PXYLP1: variants seen among roughly 807,000 people sequenced by gnomAD.
PXYLP1 encodes acid phosphatase-like 2.
Under a neutral mutation model 37.9 loss-of-function variants are expected in PXYLP1, and 17 were observed. The observed-to-expected ratio is 0.45, with a 90% CI of 0.31 to 0.67. The LOEUF is 0.67. PXYLP1 is among the 30% of genes least tolerant of loss of function. The probability of loss-of-function intolerance (pLI) is 0.07; values close to 1 mark genes in which losing one functional copy is unlikely to be tolerated. For synonymous variants in PXYLP1, 221 were observed against 232.2 expected (o/e 0.95, Z 0.44); for missense variants, 511 against 612.0 (o/e 0.84, Z 1.74).
At position 141,279,379 on chromosome 3, in the gene PXYLP1, T is replaced by G. The variant is rs1205581143; in HGVS notation, c.240T>G (p.Gly80=). The change falls in exon 4 of 6, where the codon GGT becomes GGG. Residue 80 remains glycine, a splice_region_variant and synonymous_variant. Coordinates refer to ENST00000286353, the MANE Select transcript of PXYLP1 (RefSeq NM_001037172.3). The stretch of plus-strand genomic sequence containing the variant: ...AGACAATGTGCTTCTCTCGCGCAGG[T>G]CATGCCCCGCATCATTTTAAGCTGG... ...IPSVAERSME[G]HAPHHFKLVS... 1.2e-6 allele frequency: 2 copies of G among 1,614,198 alleles called. No homozygotes were observed. The highest frequency in any genetic ancestry group is 2.7e-5 in the African/African-American group (2 of 75,060).
At chr3:141,242,749 A>G (rs1236489883) in intron 1 of PXYLP1, among the ~76,000 whole-genome samples, 3 of 152,192 alleles carry the variant, frequency 2.0e-5, no homozygotes, top group Non-Finnish European at 4.4e-5. Flanking sequence ...AATGCAAATA[A>G]TAATGAGAAC....
chr3:141,272,177 C>T (rs1338875814), intron 2 of PXYLP1, among the ~76,000 whole-genome samples: 1 of 152,168 alleles, frequency 6.6e-6, no homozygotes, highest in Non-Finnish European at 1.5e-5. Flanking sequence ...CTGGTGTGTC[C>T]TTGTGCAAGT....
chr3:141,277,678 T>C (rs1941830972), intron 2 of PXYLP1, among the ~76,000 whole-genome samples: 1 of 152,164 alleles, frequency 6.6e-6, no homozygotes, highest in African/African-American at 2.4e-5. Context: ...TGACCACACG[T>C]GGTGGTGAAG....
At chr3:141,278,587 C>T in intron 3 of PXYLP1, 87 bp downstream of exon 3, 2 of 1,528,422 alleles carry the variant, frequency 1.3e-6, no homozygotes, top group Non-Finnish European at 1.8e-6. Context: ...AGCAAGATGG[C>T]CAGGACCCAA....
intron 1 of PXYLP1, chr3:141,258,542 G>A (rs1305156814): frequency 6.5e-6 from 1 of 153,050 alleles, no homozygotes; most frequent in Non-Finnish European, 1.5e-5. Context: ...AGGGCTTCAA[G>A]AAGTGTGCCT....
chr3:141,289,827 A>G (rs371516430), intron 5 of PXYLP1, among the ~76,000 whole-genome samples: 35 of 152,130 alleles, frequency 2.3e-4, no homozygotes, highest in African/African-American at 8.5e-4. Context: ...CTGTGCAGAG[A>G]ACAGGAGGTG....
chr3:141,270,377 G>A (rs1029501878), intron 2 of PXYLP1, among the ~76,000 whole-genome samples: 8 of 152,204 alleles, frequency 5.3e-5, no homozygotes, highest in African/African-American at 1.9e-4. Context: ...GCCTTTAAAA[G>A]CAGACGATGA....
chr3:141,232,615 T>A (rs1488643099), intron 1 of PXYLP1, among the ~76,000 whole-genome samples: 2 of 152,224 alleles, frequency 1.3e-5, no homozygotes, highest in Admixed American at 1.3e-4. Context: ...CGACGTTGCT[T>A]TTGCTGGTGA....
chr3:141,236,034 G>A (rs377461371), intron 1 of PXYLP1, among the ~76,000 whole-genome samples: 3 of 152,274 alleles, frequency 2.0e-5, no homozygotes, highest in African/African-American at 4.8e-5. Flanking sequence ...ACTGGATGGC[G>A]GCTTGGGGAG....
At chr3:141,247,417 T>C (rs1365960876) in intron 1 of PXYLP1, among the ~76,000 whole-genome samples, 3 of 152,246 alleles carry the variant, frequency 2.0e-5, no homozygotes, top group African/African-American at 7.2e-5. Context: ...ATTTGTCTTA[T>C]AAAACAAGGC....
intron 2 of PXYLP1, among the ~76,000 whole-genome samples, chr3:141,268,222 T>A (rs1576593404): frequency 1.3e-5 from 2 of 151,736 alleles, no homozygotes; most frequent in East Asian, 1.9e-4. Context: ...TGTGTGTGTG[T>A]GTGTGTGTGT....
intron 5 of PXYLP1, chr3:141,291,591 C>T (rs1942210792): frequency 6.6e-6 from 1 of 152,136 alleles, no homozygotes; most frequent in Non-Finnish European, 1.5e-5. Context: ...TTTAAAGGAG[C>T]ATAATCAACA....
At chr3:141,288,646 C>T (rs1383085570) in intron 5 of PXYLP1, among the ~76,000 whole-genome samples, 1 of 152,202 alleles carries the variant, frequency 6.6e-6, no homozygotes, top group African/African-American at 2.4e-5. Flanking sequence ...GTAATCCCAG[C>T]ACTTTGGGAG....
chr3:141,278,860 A>G (rs2148814882), intron 3 of PXYLP1, among the ~76,000 whole-genome samples: 1 of 152,384 alleles, frequency 6.6e-6, no homozygotes, highest in East Asian at 1.9e-4. Flanking sequence ...TTTTCAGGGT[A>G]GCCTCTTGGG....
At chr3:141,253,862 A>ATG (rs35763043) in intron 1 of PXYLP1, among the ~76,000 whole-genome samples, 1 of 17,382 alleles carries the variant, frequency 5.8e-5, no homozygotes, top group Non-Finnish European at 1.8e-4. Flanking sequence ...TATATATCTA[A>ATG]TATATATTAG....
At chr3:141,266,362 G>A (rs536333964) in intron 2 of PXYLP1, among the ~76,000 whole-genome samples, 1 of 152,332 alleles carries the variant, frequency 6.6e-6, no homozygotes, top group African/African-American at 2.4e-5. Flanking sequence ...TGCCACCCTG[G>A]GTGGGGAGAG....
At chr3:141,274,748 A>G in intron 2 of PXYLP1, 1 of 678,354 alleles carries the variant, frequency 1.5e-6, no homozygotes, top group Non-Finnish European at 2.7e-6. Context: ...GCTTGCATAT[A>G]CTATGCTGTG....
intron 1 of PXYLP1, among the ~76,000 whole-genome samples, chr3:141,253,959 T>C (rs1037864114): frequency 9.2e-5 from 14 of 151,754 alleles, no homozygotes; most frequent in Non-Finnish European, 2.1e-4. Context: ...TCACCCAGGC[T>C]GGAACGCAGT....
At chr3:141,289,458 C>T (rs935963038) in intron 5 of PXYLP1, among the ~76,000 whole-genome samples, 1 of 152,136 alleles carries the variant, frequency 6.6e-6, no homozygotes, top group Non-Finnish European at 1.5e-5. Context: ...GTGATAACTC[C>T]ACCCCCAAGC....
Sources: allele counts gnomAD v4.1 joint callset (sites outside exome capture counted in the v4.1 genomes callset), GRCh38; gene constraint gnomAD v4.1.1; transcripts MANE v1.5; gene names NCBI Gene and HGNC (gene_info 2026-07-23, HGNC 2026-07-21).